Variants in DAB1 observed in about 807,000 individuals in gnomAD.
DAB1 encodes DAB adaptor protein 1, also known as disabled homolog 1.
Under a neutral mutation model 64.6 loss-of-function variants are expected in DAB1, and 15 were observed. The observed-to-expected ratio is 0.23, with a 90% CI of 0.16 to 0.36. The LOEUF (loss-of-function observed/expected upper bound fraction) is 0.36, where lower values mean the gene tolerates loss of function less well. DAB1 is among the 10% of genes least tolerant of loss of function. The pLI is 1.00. For synonymous variants in DAB1, 235 were observed against 251.9 expected, an observed-to-expected ratio of 0.93 and a Z score of 0.64; for missense variants, 596 against 706.7, an observed-to-expected ratio of 0.84 and a Z score of 1.78.
chr1:57,826,660 C>A (rs914901257), intron 1 of DAB1, among the ~76,000 whole-genome samples: 1 of 152,144 alleles, frequency 6.6e-6, no homozygotes, highest in Non-Finnish European at 1.5e-5. Flanking sequence ...GGCATCGGAG[C>A]AGATGTGACA....
intron 7 of DAB1, among the ~76,000 whole-genome samples, chr1:57,070,222 A>C (rs892623324): frequency 6.6e-6 from 1 of 152,258 alleles, no homozygotes; most frequent in Non-Finnish European, 1.5e-5. Context: ...TGTGACACAC[A>C]CACACATGCA....
intron 9 of DAB1, among the ~76,000 whole-genome samples, chr1:57,052,048 T>G (rs1570597597): frequency 6.6e-6 from 1 of 151,318 alleles, no homozygotes; most frequent in Admixed American, 6.6e-5. Context: ...TACTAGAGCT[T>G]TGTGATTTGG....
chr1:57,895,718 G>A (rs1229222967), intron 5 of DAB1, among the ~76,000 whole-genome samples: 2 of 152,130 alleles, frequency 1.3e-5, no homozygotes, highest in East Asian at 1.9e-4. Context: ...TAAATACAGA[G>A]CTTCACTGCC....
intron 5 of DAB1, among the ~76,000 whole-genome samples, chr1:58,123,790 T>C (rs567473693): frequency 3.7e-4 from 57 of 152,284 alleles, no homozygotes; most frequent in African/African-American, 1.3e-3. Flanking sequence ...TAAAGTCTTA[T>C]TCAATTCATG....
chr1:58,294,572 C>G (rs1406372322), intron 4 of DAB1, among the ~76,000 whole-genome samples: 2 of 152,170 alleles, frequency 1.3e-5, no homozygotes, highest in Non-Finnish European at 2.9e-5. Flanking sequence ...AGCTTACCAT[C>G]TAGTCTTTGC....
chr1:57,381,148 G>T (rs998278646), intron 1 of DAB1, among the ~76,000 whole-genome samples: 2 of 152,132 alleles, frequency 1.3e-5, no homozygotes, highest in Non-Finnish European at 2.9e-5. Flanking sequence ...TGAGGCGCTA[G>T]TTCTTAGTTA....
intron 1 of DAB1, among the ~76,000 whole-genome samples, chr1:57,859,794 G>T (rs562738267): frequency 6.6e-6 from 1 of 152,168 alleles, no homozygotes; most frequent in Non-Finnish European, 1.5e-5. Context: ...GGAACACATG[G>T]ACTTCAATGT....
intron 1 of DAB1, among the ~76,000 whole-genome samples, chr1:57,399,940 C>G (rs188526786): frequency 1.5e-3 from 234 of 152,300 alleles, no homozygotes; most frequent in African/African-American, 4.4e-3. Context: ...ATGGGTACAG[C>G]TGGATTAGAA....
At chr1:58,055,883 T>A (rs943494382) in intron 5 of DAB1, among the ~76,000 whole-genome samples, 1 of 94,344 alleles carries the variant, frequency 1.1e-5, no homozygotes, top group African/African-American at 3.7e-5. Context: ...TCACACCGAG[T>A]TATTATTATT....
chr1:57,933,147 C>T (rs912135252), intron 5 of DAB1, among the ~76,000 whole-genome samples: 3 of 152,208 alleles, frequency 2.0e-5, no homozygotes, highest in Non-Finnish European at 4.4e-5. Context: ...AGGTTTATAA[C>T]TCTCAGAGTT....
At chr1:57,409,317 A>G (rs1308484731) in intron 1 of DAB1, among the ~76,000 whole-genome samples, 1 of 152,160 alleles carries the variant, frequency 6.6e-6, no homozygotes, top group African/African-American at 2.4e-5. Flanking sequence ...GCTTTCCTGT[A>G]TTAAGTTCTT....
chr1:58,505,479 T>C (rs1439362242), intron 3 of DAB1, among the ~76,000 whole-genome samples: 2 of 152,112 alleles, frequency 1.3e-5, no homozygotes, highest in Non-Finnish European at 2.9e-5. Flanking sequence ...CAGAGGATAC[T>C]GAAAACTACT....
intron 2 of DAB1, among the ~76,000 whole-genome samples, chr1:57,244,724 G>A (rs1302353425): frequency 1.3e-5 from 2 of 152,182 alleles, no homozygotes; most frequent in African/African-American, 2.4e-5. Flanking sequence ...GAAACACTCT[G>A]AGTCTCCATT....
chr1:57,815,032 TTTTC>T (rs1472318573), intron 6 of DAB1, among the ~76,000 whole-genome samples: 3 of 152,082 alleles, frequency 2.0e-5, no homozygotes, highest in South Asian at 2.1e-4. Context: ...AAAACTACTA[TTTTC>T]TTTCTTTCTT....
intron 6 of DAB1, among the ~76,000 whole-genome samples, chr1:57,671,055 A>C (rs2101683775): frequency 6.6e-6 from 1 of 152,248 alleles, no homozygotes; most frequent in African/African-American, 2.4e-5. Flanking sequence ...TCAGCACATG[A>C]CAAATTCAAG....
chr1:57,071,376 T>G, intron 6 of DAB1, 146 bp downstream of exon 6: 1 of 929,264 alleles, frequency 1.1e-6, no homozygotes, highest in Non-Finnish European at 1.6e-6. Context: ...TCTAATGGCT[T>G]GCTTTGGGTC....
chr1:57,456,502 T>C (rs1163626111), intron 7 of DAB1, among the ~76,000 whole-genome samples: 1 of 152,132 alleles, frequency 6.6e-6, no homozygotes, highest in Non-Finnish European at 1.5e-5. Flanking sequence ...TAGATTTGCA[T>C]TTATACTCAA....
At chr1:57,600,412 A>C (rs1645563350) in intron 7 of DAB1, among the ~76,000 whole-genome samples, 1 of 152,228 alleles carries the variant, frequency 6.6e-6, no homozygotes, top group Non-Finnish European at 1.5e-5. Flanking sequence ...GCTTTACACA[A>C]ATAATTTCAT....
intron 7 of DAB1, among the ~76,000 whole-genome samples, chr1:57,557,748 G>T (rs1319500857): frequency 6.6e-6 from 1 of 152,128 alleles, no homozygotes; most frequent in East Asian, 1.9e-4. Context: ...TTGGTGAGGG[G>T]CAAGGAGTTT....
Sources: allele counts gnomAD v4.1 joint callset (sites outside exome capture counted in the v4.1 genomes callset), GRCh38; gene constraint gnomAD v4.1.1; transcripts MANE v1.5; gene names NCBI Gene and HGNC (gene_info 2026-07-23, HGNC 2026-07-21).